Variants in GABBR2 observed in about 807,000 individuals in gnomAD.
The protein encoded by GABBR2 is gamma-aminobutyric acid type B receptor subunit 2.
GABBR2 carries 23 observed loss-of-function variants against 105.6 expected under a neutral mutation model. The observed-to-expected ratio is 0.22, with a 90% CI of 0.16 to 0.31. The LOEUF (loss-of-function observed/expected upper bound fraction) is 0.31. GABBR2 is among the 10% of genes least tolerant of loss of function. GABBR2 has a pLI of 1.00. For missense variants in GABBR2, 734 were observed against 1,245.5 expected, an observed-to-expected ratio of 0.59 and a Z score of 6.18; for synonymous variants, 478 against 499.7, an observed-to-expected ratio of 0.96 and a Z score of 0.58.
intron 7 of GABBR2, among the ~76,000 whole-genome samples, chr9:98,439,805 A>G (rs541655513): frequency 6.6e-6 from 1 of 152,342 alleles, no homozygotes; most frequent in Non-Finnish European, 1.5e-5. Context: ...GTTGGTATCC[A>G]AATACATTCT....
intron 3 of GABBR2, among the ~76,000 whole-genome samples, chr9:98,514,517 G>C (rs1163377298): frequency 9.3e-5 from 14 of 150,864 alleles, no homozygotes; most frequent in Non-Finnish European, 1.5e-5. Context: ...GATGAATCTG[G>C]AAACCACCAT....
At chr9:98,565,986 G>A (rs1046742613) in intron 2 of GABBR2, among the ~76,000 whole-genome samples, 16 of 152,184 alleles carry the variant, frequency 1.1e-4, no homozygotes, top group Non-Finnish European at 1.8e-4. Context: ...CCTGCCCAGC[G>A]GCTCAGCAGG....
chr9:98,405,014 G>A (rs1252367221), intron 8 of GABBR2, among the ~76,000 whole-genome samples: 2 of 152,054 alleles, frequency 1.3e-5, no homozygotes, highest in Non-Finnish European at 2.9e-5. Flanking sequence ...TGTGATAATA[G>A]TACCGTGATT....
At chr9:98,316,746 G>A (rs1830725670) in intron 13 of GABBR2, among the ~76,000 whole-genome samples, 1 of 152,116 alleles carries the variant, frequency 6.6e-6, no homozygotes, top group East Asian at 1.9e-4. Context: ...ACAATGATGT[G>A]CTCACTGCTG....
intron 13 of GABBR2, among the ~76,000 whole-genome samples, chr9:98,357,189 A>T (rs2131434979): frequency 6.6e-6 from 1 of 152,350 alleles, no homozygotes; most frequent in Non-Finnish European, 1.5e-5. Context: ...TTGGTTCATC[A>T]TTTGAAAAAA....
At chr9:98,675,899 C>A (rs757057409) in intron 1 of GABBR2, among the ~76,000 whole-genome samples, 49 of 152,306 alleles carry the variant, frequency 3.2e-4, no homozygotes, top group South Asian at 1.5e-3. Context: ...ATTAAGAAGA[C>A]ACTCCTCTGA....
intron 4 of GABBR2, among the ~76,000 whole-genome samples, chr9:98,485,831 T>C (rs1234525748): frequency 1.3e-5 from 2 of 152,172 alleles, no homozygotes; most frequent in African/African-American, 4.8e-5. Flanking sequence ...TGCTGACAGC[T>C]CACTCCCTTC....
intron 1 of GABBR2, among the ~76,000 whole-genome samples, chr9:98,620,851 G>A (rs968750425): frequency 2.0e-5 from 3 of 152,066 alleles, no homozygotes; most frequent in Non-Finnish European, 2.9e-5. Flanking sequence ...CGCTATCTGC[G>A]GGGCCCTCAG....
intron 1 of GABBR2, chr9:98,707,309 C>G (rs1414860705): frequency 6.6e-6 from 1 of 152,438 alleles, no homozygotes; most frequent in Non-Finnish European, 1.5e-5. Context: ...GCCTCGGCCC[C>G]GTTCCGCGCG....
chr9:98,675,203 T>C (rs1830458887), intron 1 of GABBR2, among the ~76,000 whole-genome samples: 1 of 152,104 alleles, frequency 6.6e-6, no homozygotes, highest in South Asian at 2.1e-4. Flanking sequence ...GGGAACCAAG[T>C]GGTGACTTCC....
At chr9:98,350,177 C>CAAAAAA (rs35948835) in intron 13 of GABBR2, among the ~76,000 whole-genome samples, 2 of 145,680 alleles carry the variant, frequency 1.4e-5, no homozygotes, top group African/African-American at 5.0e-5. Context: ...TTTATCTTCT[C>CAAAAAA]AAAAAAAAAA....
rs111550970 is a variant in GABBR2 at position 98,331,972 on chromosome 9, T to C, written c.1894-20767A>G. On this transcript the variant is annotated intron_variant, in intron 13 of 18. Coordinates refer to ENST00000259455, the MANE Select transcript of GABBR2 (RefSeq NM_005458.8). ...AAGAGCCTTGATCACAGACAGGTGC[T>C]GGAGATAACAACAGTCCAGCCCTCA... Among the ~76,000 whole-genome samples the C allele has an allele frequency of 3.2e-3, 487 of 152,338 alleles. 2 individuals are homozygous for C. The highest frequency in any genetic ancestry group is 0.01 in the African/African-American group (433 of 41,578).
chr9:98,591,876 A>G (rs1829150957), intron 1 of GABBR2, among the ~76,000 whole-genome samples: 1 of 152,232 alleles, frequency 6.6e-6, no homozygotes, highest in Non-Finnish European at 1.5e-5. Flanking sequence ...CTTCACTTAA[A>G]AAACAAAAAT....
At chr9:98,508,722 G>A (rs182359199) in intron 3 of GABBR2, among the ~76,000 whole-genome samples, 1,522 of 151,792 alleles carry the variant, frequency 0.01, 28 homozygotes, top group African/African-American at 0.035. Flanking sequence ...GGGGAGGGGC[G>A]CCCGCCACTG....
intron 4 of GABBR2, among the ~76,000 whole-genome samples, chr9:98,494,611 T>A (rs1391134915): frequency 2.6e-5 from 4 of 152,134 alleles, no homozygotes; most frequent in Admixed American, 2.6e-4. Context: ...GTTGCTAACC[T>A]CTTTGAGTCT....
At chr9:98,578,213 C>T (rs1828948277) in intron 1 of GABBR2, 141 bp from the exon 2 acceptor site, 1 of 839,146 alleles carries the variant, frequency 1.2e-6, no homozygotes, top group Admixed American at 2.5e-5. Flanking sequence ...TTAAGCCAGC[C>T]CTGAGTCCAC....
intron 13 of GABBR2, among the ~76,000 whole-genome samples, chr9:98,317,532 T>G (rs1359605012): frequency 6.6e-6 from 1 of 152,232 alleles, no homozygotes; most frequent in East Asian, 1.9e-4. Flanking sequence ...GGCAAATCCC[T>G]GCCCTTTTCT....
intron 6 of GABBR2, among the ~76,000 whole-genome samples, chr9:98,462,584 T>TTTAAACTAAAACAAGACAC (rs1826444674): frequency 6.6e-6 from 1 of 152,132 alleles, no homozygotes; most frequent in Non-Finnish European, 1.5e-5. Flanking sequence ...GAAATGCAAA[T>TTTAAACTAAAACAAGACAC]TTAAACTAAA....
chr9:98,642,173 T>C (rs1199798963), intron 1 of GABBR2, among the ~76,000 whole-genome samples: 2 of 152,178 alleles, frequency 1.3e-5, no homozygotes, highest in Non-Finnish European at 2.9e-5. Context: ...TGATAAATAG[T>C]TCATCAACAA....
Sources: gnomAD v4.1 joint callset for allele counts (sites outside exome capture counted in the v4.1 genomes callset) on GRCh38, gnomAD v4.1.1 for gene constraint, MANE v1.5 for transcripts, NCBI Gene and HGNC (gene_info 2026-07-23, HGNC 2026-07-21) for gene names.